Variants in CNTLN observed in about 807,000 individuals in gnomAD.
CNTLN encodes the protein centlein, also known as centlein, centrosomal protein.
Under a neutral mutation model 180.0 loss-of-function variants are expected in CNTLN, and 212 were observed. That is an observed-to-expected ratio of 1.18 (90% confidence interval 1.05 to 1.32). The LOEUF (loss-of-function observed/expected upper bound fraction) is 1.32, where lower values mean the gene tolerates loss of function less well. Ranked by LOEUF, CNTLN falls within the 40% of genes most tolerant of loss-of-function variation. The pLI is 0.00. For missense variants in CNTLN, 2,095 were observed against 1,610.9 expected, an observed-to-expected ratio of 1.30 and a Z score of -5.14; for synonymous variants, 722 against 563.1, an observed-to-expected ratio of 1.28 and a Z score of -3.99.
intron 2 of CNTLN, among the ~76,000 whole-genome samples, chr9:17,190,994 A>G (rs374902591): frequency 7.9e-5 from 12 of 152,038 alleles, no homozygotes; most frequent in African/African-American, 2.4e-4. Flanking sequence ...TGCCCTTACT[A>G]CCTCTCATTT....
intron 12 of CNTLN, among the ~76,000 whole-genome samples, chr9:17,352,146 C>A (rs1822416828): frequency 6.6e-6 from 1 of 151,896 alleles, no homozygotes; most frequent in South Asian, 2.1e-4. Flanking sequence ...TTCTTTATTT[C>A]AATGATCTTT....
At chr9:17,461,270 G>T (rs538564938) in intron 19 of CNTLN, among the ~76,000 whole-genome samples, 2 of 151,648 alleles carry the variant, frequency 1.3e-5, no homozygotes, top group East Asian at 1.9e-4. Context: ...ATCAGAGAAA[G>T]AATTGAAAAT....
At chr9:17,487,148 T>C in intron 25 of CNTLN, 82 bp downstream of exon 25, 3 of 879,200 alleles carry the variant, frequency 3.4e-6, no homozygotes, top group Non-Finnish European at 5.7e-6. Flanking sequence ...TCTAACTTTT[T>C]GTAAACACTT....
intron 1 of CNTLN, among the ~76,000 whole-genome samples, chr9:17,137,011 T>G (rs1441871344): frequency 6.6e-6 from 1 of 152,220 alleles, no homozygotes; most frequent in Non-Finnish European, 1.5e-5. Flanking sequence ...GCTAAGATAC[T>G]TTTTTATGAC....
At position 17,289,066 on chromosome 9, in the gene CNTLN, T is replaced by G. The variant is rs1337325504; in HGVS notation, c.984-9124T>G. ...TCCTGTCATTATGATGTTAGCTGGTTATTTTGCTCGTTAGTTGATGCAGTT... is the reference window on the plus strand; with the variant it reads ...TCCTGTCATTATGATGTTAGCTGGTGATTTTGCTCGTTAGTTGATGCAGTT... On this transcript the variant is annotated intron_variant, in intron 6 of 25. Coordinates refer to ENST00000380647, the MANE Select transcript of CNTLN (RefSeq NM_017738.4). Among the ~76,000 whole-genome samples the G allele has an allele frequency of 2.4e-5, 3 of 125,454 alleles. 1 individual carries two copies. The highest frequency in any genetic ancestry group is 2.4e-4 in the Admixed American group (3 of 12,668). The allele number at this position is 125,454 out of a possible 152,430, so 82.3% of individuals were successfully genotyped here.
intron 13 of CNTLN, among the ~76,000 whole-genome samples, chr9:17,382,955 G>A (rs992851016): frequency 3.3e-5 from 5 of 152,004 alleles, no homozygotes; most frequent in East Asian, 1.9e-4. Flanking sequence ...GTGCTTTAGC[G>A]TTTAACCTCT....
chr9:17,264,080 G>T (rs925412885), intron 5 of CNTLN, among the ~76,000 whole-genome samples: 1 of 144,376 alleles, frequency 6.9e-6, no homozygotes, highest in Non-Finnish European at 1.5e-5. Flanking sequence ...GGCTTTCGTT[G>T]CCATTGCTTT....
intron 7 of CNTLN, among the ~76,000 whole-genome samples, chr9:17,305,492 A>G (rs1346136290): frequency 4.0e-5 from 6 of 151,184 alleles, no homozygotes; most frequent in East Asian, 3.9e-4. Context: ...TGAATTTATC[A>G]TATTGCCTAA....
intron 7 of CNTLN, among the ~76,000 whole-genome samples, chr9:17,303,730 A>G (rs187201540): frequency 6.6e-6 from 1 of 152,234 alleles, no homozygotes; most frequent in East Asian, 1.9e-4. Context: ...TTGTCTACAC[A>G]TATTTTTAGA....
intron 20 of CNTLN, 84 bp from the exon 21 acceptor site, chr9:17,464,413 G>T: frequency 1.7e-6 from 2 of 1,144,964 alleles, no homozygotes; most frequent in South Asian, 1.6e-5. Flanking sequence ...AGTAACAGTA[G>T]GTATAATATT....
At chr9:17,237,404 CA>C (rs1825220257) in intron 5 of CNTLN, among the ~76,000 whole-genome samples, 3 of 131,474 alleles carry the variant, frequency 2.3e-5, no homozygotes, top group African/African-American at 9.3e-5. Context: ...CACACACACA[CA>C]CGGTTAGTCA....
At chr9:17,341,995 G>A (rs774556330) in intron 11 of CNTLN, among the ~76,000 whole-genome samples, 1 of 152,076 alleles carries the variant, frequency 6.6e-6, no homozygotes, top group Non-Finnish European at 1.5e-5. Context: ...TGAGTTGGTT[G>A]CATATAGATT....
intron 2 of CNTLN, among the ~76,000 whole-genome samples, chr9:17,180,554 G>A (rs1001216724): frequency 1.3e-5 from 2 of 151,360 alleles, no homozygotes; most frequent in Non-Finnish European, 2.9e-5. Flanking sequence ...TTTTGTTTCA[G>A]CCATCAAACC....
chr9:17,176,944 A>G (rs1820754540), intron 2 of CNTLN, among the ~76,000 whole-genome samples: 1 of 152,146 alleles, frequency 6.6e-6, no homozygotes, highest in African/African-American at 2.4e-5. Context: ...TTGATAACAG[A>G]TGTGTCTTTT....
intron 5 of CNTLN, among the ~76,000 whole-genome samples, chr9:17,263,790 C>T (rs1297768176): frequency 1.4e-5 from 2 of 144,856 alleles, no homozygotes; most frequent in Admixed American, 6.8e-5. Context: ...TCTCTGATGG[C>T]CAGTGATGAT....
intron 23 of CNTLN, among the ~76,000 whole-genome samples, chr9:17,469,031 C>G (rs1831911473): frequency 6.6e-6 from 1 of 151,638 alleles, no homozygotes; most frequent in Admixed American, 6.6e-5. Flanking sequence ...AATTTTTACA[C>G]TTTGTTTCAG....
intron 19 of CNTLN, among the ~76,000 whole-genome samples, chr9:17,462,666 G>A (rs993644779): frequency 6.6e-5 from 10 of 151,266 alleles, no homozygotes; most frequent in Non-Finnish European, 1.5e-4. Flanking sequence ...ATGTATTTTG[G>A]ATACATACTC....
intron 12 of CNTLN, among the ~76,000 whole-genome samples, chr9:17,345,591 A>G (rs547285295): frequency 6.6e-6 from 1 of 151,374 alleles, no homozygotes; most frequent in South Asian, 2.1e-4. Flanking sequence ...ACCTTATTAC[A>G]GTCTACTGGT....
intron 16 of CNTLN, among the ~76,000 whole-genome samples, chr9:17,412,565 G>C (rs193041642): frequency 2.6e-5 from 4 of 152,184 alleles, no homozygotes; most frequent in Non-Finnish European, 4.4e-5. Context: ...TTTCAGGGCA[G>C]TATTCAATAA....
Sources: allele counts gnomAD v4.1 joint callset (sites outside exome capture counted in the v4.1 genomes callset), GRCh38; gene constraint gnomAD v4.1.1; transcripts MANE v1.5; gene names NCBI Gene and HGNC (gene_info 2026-07-23, HGNC 2026-07-21).